The following RNF130 variants were observed in gnomAD, a reference collection of about 807,000 sequenced individuals.
RNF130 encodes E3 ubiquitin-protein ligase RNF130.
RNF130 carries 21 observed loss-of-function variants against 44.6 expected under a neutral mutation model. The ratio of observed to expected loss-of-function variants is 0.47; its 90% CI spans 0.33 to 0.68. The LOEUF is 0.68. Among genes scored for constraint, RNF130 ranks in the 30% least tolerant of loss-of-function variants. RNF130 has a pLI of 0.02. For missense variants in RNF130, 479 were observed against 560.6 expected, an observed-to-expected ratio of 0.85 and a Z score of 1.47; for synonymous variants, 214 against 210.4, an observed-to-expected ratio of 1.02 and a Z score of -0.15.
intron 7 of RNF130, among the ~76,000 whole-genome samples, chr5:179,926,973 C>T (rs1330262735): frequency 6.6e-6 from 1 of 152,198 alleles, no homozygotes; most frequent in Non-Finnish European, 1.5e-5. Context: ...CGACACTGCC[C>T]CCACCACTGA....
At chr5:180,044,519 G>A (rs117238753) in intron 1 of RNF130, among the ~76,000 whole-genome samples, 3 of 152,170 alleles carry the variant, frequency 2.0e-5, no homozygotes, top group East Asian at 1.9e-4. Flanking sequence ...TGTGGCAAAC[G>A]CCTTGCTCTT....
At chr5:179,938,304 C>T (rs1235623694) in intron 7 of RNF130, among the ~76,000 whole-genome samples, 1 of 152,070 alleles carries the variant, frequency 6.6e-6, no homozygotes, top group Non-Finnish European at 1.5e-5. Flanking sequence ...AGAGGCCAAA[C>T]ACAAAAGGTC....
At position 179,917,504 on chromosome 5, in the gene RNF130, C is replaced by T. The variant is rs1229604541; in HGVS notation, c.*2813G>A. 5 of 152,372 alleles carry T rather than the reference C, an allele frequency of 3.3e-5. No individual in the cohort carries two copies. In the East Asian group the frequency reaches 9.6e-4, roughly 29 times the overall value. The allele number at this position is 152,372 out of a possible 1,614,324, so 9.4% of individuals were successfully genotyped here. On this transcript the variant is annotated 3_prime_UTR_variant, in exon 8 of 8. Coordinates refer to the RNF130 transcript ENST00000522208. ...AGACTTGCAACCACGGAGGCACTCA[C>T]TCTCTGCACCCCATCACACCTGCAG...
intron 7 of RNF130, chr5:179,939,892 G>C (rs571262782): frequency 3.3e-6 from 1 of 304,284 alleles, no homozygotes; most frequent in East Asian, 9.1e-5. Flanking sequence ...AACCTCAAAC[G>C]GATGTCAAAA....
intron 2 of RNF130, among the ~76,000 whole-genome samples, chr5:180,035,717 C>A (rs1265874035): frequency 6.6e-6 from 1 of 152,198 alleles, no homozygotes; most frequent in Non-Finnish European, 1.5e-5. Flanking sequence ...GTCCCACAGG[C>A]ATCTGAGGCT....
chr5:180,041,228 T>C (rs1764411886), intron 1 of RNF130, among the ~76,000 whole-genome samples: 1 of 152,216 alleles, frequency 6.6e-6, no homozygotes, highest in East Asian at 1.9e-4. Context: ...GGCTTATATT[T>C]GAAAGTTGAA....
intron 1 of RNF130, among the ~76,000 whole-genome samples, chr5:180,063,863 T>G (rs193158860): frequency 1.3e-5 from 2 of 152,176 alleles, no homozygotes; most frequent in Non-Finnish European, 2.9e-5. Flanking sequence ...TACAAAATTA[T>G]TTTTGGAAGA....
chr5:180,040,036 G>C (rs1341109704), intron 2 of RNF130, among the ~76,000 whole-genome samples: 1 of 152,184 alleles, frequency 6.6e-6, no homozygotes, highest in African/African-American at 2.4e-5. Flanking sequence ...AAGAAGCATT[G>C]TTACTACTGA....
chr5:180,039,708 A>T (rs1169195677), intron 2 of RNF130, among the ~76,000 whole-genome samples: 1 of 152,248 alleles, frequency 6.6e-6, no homozygotes, highest in Non-Finnish European at 1.5e-5. Flanking sequence ...AAATAAGCCA[A>T]ACTCTAAAAT....
intron 6 of RNF130, among the ~76,000 whole-genome samples, chr5:179,967,628 A>T (rs1382411049): frequency 2.0e-5 from 3 of 151,816 alleles, no homozygotes; most frequent in African/African-American, 7.3e-5. Context: ...AGTGAGCACC[A>T]AAAGTCTTCC....
chr5:180,062,504 T>G (rs1561713377), intron 1 of RNF130, among the ~76,000 whole-genome samples: 2 of 152,158 alleles, frequency 1.3e-5, no homozygotes, highest in Non-Finnish European at 2.9e-5. Flanking sequence ...ACACCAACAT[T>G]GAGACTACAG....
chr5:179,934,514 C>T (rs1206098446), intron 7 of RNF130, among the ~76,000 whole-genome samples: 2 of 147,212 alleles, frequency 1.4e-5, no homozygotes, highest in African/African-American at 5.0e-5. Flanking sequence ...GGAACAACTT[C>T]GTGTTTGGTT....
chr5:180,069,734 A>G (rs954476609), intron 1 of RNF130, among the ~76,000 whole-genome samples: 4 of 152,232 alleles, frequency 2.6e-5, no homozygotes, highest in African/African-American at 9.6e-5. Context: ...GTGTCACACA[A>G]TGGACGTAAA....
intron 2 of RNF130, among the ~76,000 whole-genome samples, chr5:180,032,376 T>G (rs987863361): frequency 6.6e-6 from 1 of 152,056 alleles, no homozygotes; most frequent in Non-Finnish European, 1.5e-5. Flanking sequence ...CTCCCTCCCT[T>G]CTTTCCTTCT....
At position 180,057,931 on chromosome 5, in the gene RNF130, C is replaced by T. The variant is rs557278165; in HGVS notation, c.247+13525G>A. ...TACAACCGGTGTCTGAAGTAGGGGG[C>T]GGTTTTGTGGGACTAGGCCCTTTAC... is the stretch of plus-strand genomic sequence containing the variant. On this transcript the variant is annotated intron_variant, in intron 1 of 8. Coordinates refer to ENST00000521389, the MANE Select transcript of RNF130 (RefSeq NM_018434.6). 5.3e-5 allele frequency among the ~76,000 whole-genome samples: 8 copies of T among 152,218 alleles called. No individual in the cohort carries two copies. In the East Asian group the frequency reaches 7.7e-4, roughly 15 times the overall value.
intron 8 of RNF130, among the ~76,000 whole-genome samples, chr5:179,956,667 C>A (rs1406954515): frequency 6.6e-6 from 1 of 152,240 alleles, no homozygotes; most frequent in Non-Finnish European, 1.5e-5. Flanking sequence ...TATGCCCAGG[C>A]TGGTTCCTAA....
At chr5:179,936,697 A>G (rs556592343) in intron 7 of RNF130, among the ~76,000 whole-genome samples, 2 of 152,332 alleles carry the variant, frequency 1.3e-5, no homozygotes, top group East Asian at 3.9e-4. Context: ...AAGCTGGAAG[A>G]CTCAAACTTC....
chr5:180,070,037 T>C (rs1051980079), intron 1 of RNF130, among the ~76,000 whole-genome samples: 6 of 152,172 alleles, frequency 3.9e-5, no homozygotes, highest in Admixed American at 2.0e-4. Flanking sequence ...TTCACAACAC[T>C]GCAGAGGACC....
chr5:180,000,193 G>C (rs1382425021), intron 3 of RNF130, among the ~76,000 whole-genome samples: 1 of 152,148 alleles, frequency 6.6e-6, no homozygotes, highest in Non-Finnish European at 1.5e-5. Flanking sequence ...TTTCTTGGCT[G>C]GCAATTTTCT....
Sources: allele counts gnomAD v4.1 joint callset (sites outside exome capture counted in the v4.1 genomes callset), GRCh38; gene constraint gnomAD v4.1.1; transcripts MANE v1.5; gene names NCBI Gene and HGNC (gene_info 2026-07-23, HGNC 2026-07-21).